GPC6: variants seen among roughly 807,000 people sequenced by gnomAD.
GPC6 encodes glypican 6.
A neutral mutation model predicts 55.2 loss-of-function variants in GPC6; 14 were observed. The ratio of observed to expected loss-of-function variants is 0.25; its 90% confidence interval spans 0.17 to 0.40. GPC6 has a LOEUF of 0.40. Among genes scored for constraint, GPC6 ranks in the 10% least tolerant of loss-of-function variants. The probability of loss-of-function intolerance (pLI) is 1.00; values close to 1 mark genes in which losing one functional copy is unlikely to be tolerated. For synonymous variants in GPC6, 278 were observed against 259.6 expected (o/e 1.07, Z -0.68); for missense variants, 641 against 708.5 (o/e 0.90, Z 1.08).
At chr13:93,272,490 G>GTATATATATATA (rs71202576) in intron 1 of GPC6, among the ~76,000 whole-genome samples, 55 of 95,410 alleles carry the variant, frequency 5.8e-4, no homozygotes, top group African/African-American at 1.6e-3. Context: ...CATTGTCTGT[G>GTATATATATATA]TGTATATATA....
chr13:94,024,175 C>T (rs1882807348), intron 3 of GPC6, among the ~76,000 whole-genome samples: 1 of 151,706 alleles, frequency 6.6e-6, no homozygotes, highest in Non-Finnish European at 1.5e-5. Flanking sequence ...CTGAGGTCTA[C>T]AGACTAGTTA....
intron 3 of GPC6, among the ~76,000 whole-genome samples, chr13:93,887,445 C>T (rs1202223898): frequency 6.6e-6 from 1 of 152,026 alleles, no homozygotes; most frequent in African/African-American, 2.4e-5. Context: ...AGTTACTGAA[C>T]ACAGAGATAA....
rs566663016 is a variant in GPC6 at position 93,649,367 on chromosome 13, G to A, written c.319+103946G>A. Reference sequence around the variant, plus strand: ...CTCAGGAGGCTGAAGTTAGAGGATCGCTTGAGCCAAGGACATAGATGCTGC... The same window carrying A: ...CTCAGGAGGCTGAAGTTAGAGGATCACTTGAGCCAAGGACATAGATGCTGC... On this transcript the variant is annotated intron_variant, in intron 2 of 8. Transcript: ENST00000377047. Among the ~76,000 whole-genome samples the A allele has an allele frequency of 3.3e-4, 50 of 152,216 alleles. 1 individual carries two copies. The highest frequency in any genetic ancestry group is 8.9e-4 in the African/African-American group (37 of 41,554).
At chr13:93,249,143 C>T (rs1442479705) in intron 1 of GPC6, among the ~76,000 whole-genome samples, 1 of 152,174 alleles carries the variant, frequency 6.6e-6, no homozygotes, top group South Asian at 2.1e-4. Context: ...CATAAACCTA[C>T]CACCTTACTG....
At chr13:93,239,355 A>G (rs760064166) in intron 1 of GPC6, among the ~76,000 whole-genome samples, 5 of 151,764 alleles carry the variant, frequency 3.3e-5, no homozygotes, top group Non-Finnish European at 7.4e-5. Context: ...TAGATTTTCT[A>G]GTTTGTGTGC....
At chr13:93,306,657 A>G (rs1878867440) in intron 1 of GPC6, among the ~76,000 whole-genome samples, 1 of 152,110 alleles carries the variant, frequency 6.6e-6, no homozygotes. Flanking sequence ...GTCATATGAA[A>G]TTATCTGATA....
intron 2 of GPC6, among the ~76,000 whole-genome samples, chr13:93,733,006 G>A (rs142957485): frequency 2.2e-3 from 330 of 152,014 alleles, no homozygotes; most frequent in Middle Eastern, 0.02. Context: ...CTATATCATG[G>A]CTAATGGCTA....
intron 6 of GPC6, among the ~76,000 whole-genome samples, chr13:94,361,304 A>C (rs1347615191): frequency 6.6e-6 from 1 of 152,220 alleles, no homozygotes; most frequent in African/African-American, 2.4e-5. Context: ...GCATAGTTGC[A>C]CAAGGCCCAG....
At chr13:94,320,849 G>C (rs1876785387) in intron 6 of GPC6, among the ~76,000 whole-genome samples, 1 of 152,164 alleles carries the variant, frequency 6.6e-6, no homozygotes, top group Non-Finnish European at 1.5e-5. Flanking sequence ...TAGGAAATGT[G>C]CAGGAAAATA....
intron 2 of GPC6, among the ~76,000 whole-genome samples, chr13:93,718,934 T>G (rs777506291): frequency 2.8e-4 from 42 of 152,068 alleles, no homozygotes; most frequent in Admixed American, 1.6e-3. Context: ...TCTATTCCAT[T>G]GTTCTATATA....
At chr13:94,043,717 A>G (rs1050010114) in intron 4 of GPC6, among the ~76,000 whole-genome samples, 2 of 151,872 alleles carry the variant, frequency 1.3e-5, no homozygotes, top group Non-Finnish European at 2.9e-5. Context: ...ATATATTAAC[A>G]TATTTGTTAA....
intron 4 of GPC6, among the ~76,000 whole-genome samples, chr13:94,191,295 A>G (rs1472218747): frequency 1.3e-5 from 2 of 152,184 alleles, no homozygotes; most frequent in East Asian, 3.8e-4. Context: ...CTGAATATAA[A>G]TCTTCTTGGT....
At chr13:93,842,138 T>G (rs1051733393) in intron 3 of GPC6, among the ~76,000 whole-genome samples, 1 of 152,126 alleles carries the variant, frequency 6.6e-6, no homozygotes, top group African/African-American at 2.4e-5. Context: ...ATGGACAACA[T>G]TTAGTAAGAA....
chr13:93,676,392 G>C (rs1363491219), intron 2 of GPC6, among the ~76,000 whole-genome samples: 1 of 151,546 alleles, frequency 6.6e-6, no homozygotes, highest in African/African-American at 2.4e-5. Context: ...ACTCCAGCCT[G>C]AGTGACAGAG....
chr13:93,549,385 G>A (rs1489469780), intron 2 of GPC6, among the ~76,000 whole-genome samples: 1 of 152,196 alleles, frequency 6.6e-6, no homozygotes. Context: ...CTACCAAGTA[G>A]CTCACGTGTA....
At chr13:93,868,394 C>T in intron 3 of GPC6, among the ~76,000 whole-genome samples, 1 of 151,656 alleles carries the variant, frequency 6.6e-6, no homozygotes, top group South Asian at 2.1e-4. Context: ...AATAATAATT[C>T]AATTAATGAT....
At chr13:93,860,572 G>A (rs1032438128) in intron 3 of GPC6, among the ~76,000 whole-genome samples, 2 of 151,718 alleles carry the variant, frequency 1.3e-5, no homozygotes, top group East Asian at 2.0e-4. Context: ...TGAAATTTCT[G>A]TGCAGAATGT....
Position 94,306,041 on chromosome 13 carries a change from C to T in GPC6, c.1070C>T (p.Pro357Leu). 6.2e-7 allele frequency: 1 copy of T among 1,614,148 alleles called. No individual in the cohort carries two copies. Among genetic ancestry groups the T allele is most frequent in the African/African-American group, 1.3e-5 (1 of 75,042 alleles). ...GCCCTCAGATCTGCCCGCTCAGCTC[C>T]TGAAAATTTTAATACACGTTTCAGG... ...APALRSARSA[P>L]ENFNTRFRPY... Residue 357 changes from proline (P) to leucine (L), a missense_variant, in exon 6 of 9, where the codon CCT becomes CTT. Coordinates refer to ENST00000377047, the MANE Select transcript of GPC6 (RefSeq NM_005708.5).
intron 1 of GPC6, among the ~76,000 whole-genome samples, chr13:93,470,286 T>A (rs950770280): frequency 1.1e-5 from 1 of 90,530 alleles, no homozygotes; most frequent in Non-Finnish European, 2.5e-5. Context: ...TTAGGAAAAA[T>A]TATTTTTATT....
Sources: allele counts gnomAD v4.1 joint callset (sites outside exome capture counted in the v4.1 genomes callset), GRCh38; gene constraint gnomAD v4.1.1; transcripts MANE v1.5; gene names NCBI Gene and HGNC (gene_info 2026-07-23, HGNC 2026-07-21).